Variants in LDLRAD3 observed in about 807,000 individuals in gnomAD.
LDLRAD3 encodes the protein low-density lipoprotein receptor class A domain-containing protein 3.
Under a neutral mutation model 29.4 loss-of-function variants are expected in LDLRAD3, and 20 were observed. The ratio of observed to expected loss-of-function variants is 0.68; its 90% CI spans 0.48 to 0.99. LDLRAD3 has a LOEUF of 0.99. Among genes scored for constraint, LDLRAD3 ranks in the 50% least tolerant of loss-of-function variants. The pLI, the probability that LDLRAD3 is intolerant of heterozygous loss-of-function variation, is 0.00. For missense variants in LDLRAD3, 420 were observed against 454.3 expected, an observed-to-expected ratio of 0.92 and a Z score of 0.69; for synonymous variants, 157 against 192.7, an observed-to-expected ratio of 0.81 and a Z score of 1.53.
Position 36,229,275 on chromosome 11 carries a change from C to G in LDLRAD3, c.916C>G (p.Gln306Glu), listed in dbSNP as rs753375972. ...RSGSANSASSQAASSLLSVED... is the reference protein window; with the variant it reads ...RSGSANSASSEAASSLLSVED... ...CGGGAGTGCCAACAGTGCCAGCTCC[C>G]AGGCAGCCAGCAGCCTCCTGAGCGT... is the stretch of plus-strand genomic sequence containing the variant. The change falls in exon 6 of 6, where the codon CAG (glutamine) becomes GAG (glutamate). Residue 306 changes from glutamine (Q) to glutamate (E), a missense_variant. Physicochemically the swap from Gln to Glu is conservative, Grantham distance 29. Around this residue, in one of 3 missense-constraint regions of LDLRAD3, gnomAD observed 140 missense variants for 139.9 expected, o/e 1.00. Transcript: ENST00000315571. 118 of 1,614,036 alleles carry G rather than the reference C, an allele frequency of 7.3e-5. No individual in the cohort carries two copies. The highest frequency in any genetic ancestry group is 9.9e-5 in the Non-Finnish European group (117 of 1,180,038).
At chr11:35,980,422 T>G (rs1851526258) in intron 1 of LDLRAD3, among the ~76,000 whole-genome samples, 1 of 152,208 alleles carries the variant, frequency 6.6e-6, no homozygotes, top group Non-Finnish European at 1.5e-5. Context: ...AAAATGAGGT[T>G]TCTGTTTCTG....
intron 4 of LDLRAD3, among the ~76,000 whole-genome samples, chr11:36,185,875 A>G (rs923698661): frequency 6.6e-6 from 1 of 152,256 alleles, no homozygotes. Flanking sequence ...TTATGTCTAG[A>G]CAGAGCTAAG....
At chr11:36,144,519 T>TG (rs1435949423) in intron 4 of LDLRAD3, among the ~76,000 whole-genome samples, 1 of 149,712 alleles carries the variant, frequency 6.7e-6, no homozygotes, top group Non-Finnish European at 1.5e-5. Context: ...GTCTGAGATG[T>TG]GGGGAGCGCC....
intron 2 of LDLRAD3, among the ~76,000 whole-genome samples, chr11:36,049,710 G>C (rs1366421926): frequency 6.6e-6 from 1 of 151,516 alleles, no homozygotes; most frequent in Non-Finnish European, 1.5e-5. Flanking sequence ...AGGTTACATT[G>C]CAAGTATTCC....
At chr11:36,048,138 A>G (rs1852478839) in intron 2 of LDLRAD3, among the ~76,000 whole-genome samples, 1 of 152,348 alleles carries the variant, frequency 6.6e-6, no homozygotes, top group East Asian at 1.9e-4. Flanking sequence ...TCAGGTGTCA[A>G]AGATGAGCTG....
chr11:36,025,555 AT>A, intron 1 of LDLRAD3, among the ~76,000 whole-genome samples: 1 of 151,616 alleles, frequency 6.6e-6, no homozygotes, highest in East Asian at 2.0e-4. Context: ...CTCCCGGCTA[AT>A]TTTTTGTATT....
chr11:36,035,614 C>T (rs1255816306), intron 1 of LDLRAD3, among the ~76,000 whole-genome samples: 1 of 152,092 alleles, frequency 6.6e-6, no homozygotes, highest in East Asian at 1.9e-4. Context: ...GCTCCTGTTT[C>T]CTAGAGTGAA....
At position 36,218,026 on chromosome 11, in the gene LDLRAD3, C is replaced by T. The variant is rs143847355; in HGVS notation, c.455-9059C>T. On this transcript the variant is annotated intron_variant, in intron 4 of 5. Coordinates refer to ENST00000315571, the MANE Select transcript of LDLRAD3 (RefSeq NM_174902.4). ...GGGTGGACATACCTTTGGAGGGACA[C>T]TACTCAACTCAATACAGATGGTGCA... Among the ~76,000 whole-genome samples, 454 of 152,272 alleles carry T rather than the reference C, an allele frequency of 3.0e-3. 4 individuals are homozygous for T. Among genetic ancestry groups the T allele is most frequent in the African/African-American group, 0.01 (430 of 41,536 alleles).
chr11:36,135,581 G>C (rs1051597093), intron 4 of LDLRAD3, among the ~76,000 whole-genome samples: 2 of 152,136 alleles, frequency 1.3e-5, no homozygotes, highest in African/African-American at 4.8e-5. Flanking sequence ...AGATTTCTTT[G>C]TTTTGGAACT....
intron 2 of LDLRAD3, among the ~76,000 whole-genome samples, chr11:36,076,835 A>G (rs1853019004): frequency 6.6e-6 from 1 of 152,176 alleles, no homozygotes; most frequent in Non-Finnish European, 1.5e-5. Flanking sequence ...ACTAGTGTAC[A>G]GTATTGTAGA....
rs146682682 is a variant in LDLRAD3, at chr11:35,986,437, T to C, written c.46+42293T>C. Among the ~76,000 whole-genome samples the C allele has an allele frequency of 3.1e-3, 478 of 152,360 alleles. 4 individuals carry two copies. Among genetic ancestry groups the C allele is most frequent in the Non-Finnish European group, 4.9e-3 (334 of 68,042 alleles). On this transcript the variant is annotated intron_variant, in intron 1 of 5. Coordinates refer to ENST00000315571, the MANE Select transcript of LDLRAD3 (RefSeq NM_174902.4). ...ATCTTGGAATTTAACCTGTTATTTA[T>C]TGTGATATGCTTATGTAAGGACATG...
At chr11:36,128,578 G>A (rs1318095203) in intron 4 of LDLRAD3, among the ~76,000 whole-genome samples, 1 of 152,216 alleles carries the variant, frequency 6.6e-6, no homozygotes, top group African/African-American at 2.4e-5. Context: ...GCTGGGCACG[G>A]TGATTCATGC....
chr11:36,098,351 C>T lies in LDLRAD3; in HGVS notation c.344C>T (p.Thr115Ile), dbSNP rs1853394727. 1 of 1,614,022 alleles carries T rather than the reference C, an allele frequency of 6.2e-7. No individual in the cohort carries two copies. Among genetic ancestry groups the T allele is most frequent in the East Asian group, 2.2e-5 (1 of 44,888 alleles). The change falls in exon 4 of 6, where the codon ACC becomes ATC. Residue 115 changes from threonine to isoleucine, a missense_variant. Physicochemically the swap from Thr to Ile is moderately conservative, Grantham distance 89. Transcript: ENST00000315571. ...GCAGCAAACCCTCTGCTTTGCTCCA[C>T]CGCCCGCTACCACTGCAAGAACGGC... Reference protein sequence around the residue: ...NCTANPLLCSTARYHCKNGLC... With the variant: ...NCTANPLLCSIARYHCKNGLC...
Position 36,107,839 on chromosome 11 carries a change from C to T in LDLRAD3, c.454+9378C>T, listed in dbSNP as rs991049822. 1.1e-4 allele frequency among the ~76,000 whole-genome samples: 16 copies of T among 152,292 alleles called. No individual in the cohort carries two copies. The East Asian group carries it at 2.1e-3, about 20-fold the overall frequency. On this transcript the variant is annotated intron_variant, in intron 4 of 5. Transcript: ENST00000315571. ...ACAATATATCCCTGTCGTTAAGCAA[C>T]GCATGACTGTATTTTTGATTGCTAC...
At chr11:36,207,746 A>C (rs562529963) in intron 4 of LDLRAD3, among the ~76,000 whole-genome samples, 26 of 152,268 alleles carry the variant, frequency 1.7e-4, no homozygotes, top group Admixed American at 7.8e-4. Flanking sequence ...AAAGGGCATG[A>C]ATCTCAAAAG....
At chr11:36,136,137 C>T (rs954604737) in intron 4 of LDLRAD3, among the ~76,000 whole-genome samples, 5 of 152,174 alleles carry the variant, frequency 3.3e-5, no homozygotes, top group Non-Finnish European at 5.9e-5. Context: ...GAGTCCTGTG[C>T]TCTATGCCGA....
At chr11:36,086,184 G>A (rs113915576) in intron 3 of LDLRAD3, among the ~76,000 whole-genome samples, 4 of 152,134 alleles carry the variant, frequency 2.6e-5, no homozygotes, top group South Asian at 2.1e-4. Context: ...TTGCTTACTC[G>A]AGCATTTATG....
intron 4 of LDLRAD3, among the ~76,000 whole-genome samples, chr11:36,180,839 T>C (rs1248690577): frequency 1.3e-5 from 2 of 152,184 alleles, no homozygotes; most frequent in East Asian, 3.9e-4. Context: ...GGGCCATGCT[T>C]GGAAAGTAGA....
chr11:36,195,305 ATCG>A, intron 4 of LDLRAD3, among the ~76,000 whole-genome samples: 1 of 151,998 alleles, frequency 6.6e-6, no homozygotes, highest in Non-Finnish European at 1.5e-5. Flanking sequence ...GCATAGAAGC[ATCG>A]TACTATGTTG....
Sources: gnomAD v4.1 joint callset for allele counts (sites outside exome capture counted in the v4.1 genomes callset) on GRCh38, gnomAD v4.1.1 for gene constraint, gnomAD v4.1.1 regional missense constraint, MANE v1.5 for transcripts, NCBI Gene and HGNC (gene_info 2026-07-23, HGNC 2026-07-21) for gene names.